SLC9A9: variants seen among roughly 807,000 people sequenced by gnomAD.
The protein encoded by SLC9A9 is sodium/hydrogen exchanger 9.
A neutral mutation model predicts 77.8 loss-of-function variants in SLC9A9; 62 were observed. The ratio of observed to expected loss-of-function variants is 0.80; its 90% CI spans 0.65 to 0.98. The LOEUF (loss-of-function observed/expected upper bound fraction) is 0.98. Among genes scored for constraint, SLC9A9 ranks in the 50% least tolerant of loss-of-function variants. The pLI, the probability that SLC9A9 is intolerant of heterozygous loss-of-function variation, is 0.00. For missense variants in SLC9A9, 775 were observed against 774.9 expected (o/e 1.00, Z 0.00); for synonymous variants, 320 against 283.5 (o/e 1.13, Z -1.29).
At chr3:143,801,357 A>C (rs780896094) in intron 2 of SLC9A9, among the ~76,000 whole-genome samples, 20 of 152,154 alleles carry the variant, frequency 1.3e-4, no homozygotes, top group Non-Finnish European at 2.8e-4. Flanking sequence ...TTAAAATCAC[A>C]CACTATGCTC....
At chr3:143,466,462 A>T (rs1481831477) in intron 12 of SLC9A9, among the ~76,000 whole-genome samples, 1 of 152,226 alleles carries the variant, frequency 6.6e-6, no homozygotes, top group Non-Finnish European at 1.5e-5. Flanking sequence ...ATCATCTTCC[A>T]GAACTGCTTA....
intron 12 of SLC9A9, among the ~76,000 whole-genome samples, chr3:143,450,493 C>T (rs9289662): frequency 3.8e-4 from 58 of 151,810 alleles, no homozygotes; most frequent in Non-Finnish European, 7.4e-4. Context: ...TGTGAAAGGA[C>T]TTCAGGTGAA....
chr3:143,514,095 G>C (rs963821127), intron 9 of SLC9A9, among the ~76,000 whole-genome samples: 1 of 152,024 alleles, frequency 6.6e-6, no homozygotes, highest in African/African-American at 2.4e-5. Context: ...AACATGCGGC[G>C]TTTGGTTTTT....
At chr3:143,351,337 C>T (rs1576442518) in intron 14 of SLC9A9, among the ~76,000 whole-genome samples, 1 of 152,086 alleles carries the variant, frequency 6.6e-6, no homozygotes, top group Admixed American at 6.5e-5. Flanking sequence ...TTATTATGTC[C>T]CTTCTAAATG....
At chr3:143,774,833 G>A (rs955679240) in intron 4 of SLC9A9, among the ~76,000 whole-genome samples, 12 of 152,118 alleles carry the variant, frequency 7.9e-5, no homozygotes, top group Non-Finnish European at 1.2e-4. Flanking sequence ...AAATGACCCA[G>A]TGCGCTCCCC....
intron 1 of SLC9A9, among the ~76,000 whole-genome samples, chr3:143,842,953 A>G (rs1182020997): frequency 1.3e-5 from 2 of 152,212 alleles, no homozygotes; most frequent in East Asian, 3.8e-4. Context: ...GCTGGAAGGG[A>G]GACATGTGAT....
intron 12 of SLC9A9, among the ~76,000 whole-genome samples, chr3:143,396,204 G>A (rs111729600): frequency 6.6e-5 from 10 of 152,272 alleles, no homozygotes; most frequent in African/African-American, 2.2e-4. Flanking sequence ...CAACCCAAAT[G>A]TTCAATAATG....
chr3:143,431,485 CTT>C (rs35264017), intron 12 of SLC9A9, among the ~76,000 whole-genome samples: 26 of 130,028 alleles, frequency 2.0e-4, no homozygotes, highest in Admixed American at 2.3e-4. Flanking sequence ...CTGCCCCCAC[CTT>C]TTTTTTTTTT....
chr3:143,805,716 C>T (rs1184492877), intron 2 of SLC9A9, among the ~76,000 whole-genome samples: 1 of 152,108 alleles, frequency 6.6e-6, no homozygotes, highest in Non-Finnish European at 1.5e-5. Context: ...CCCCACTGAG[C>T]ACCTTGTGTA....
intron 4 of SLC9A9, among the ~76,000 whole-genome samples, chr3:143,709,672 T>C (rs1934088340): frequency 6.6e-6 from 1 of 152,176 alleles, no homozygotes; most frequent in Non-Finnish European, 1.5e-5. Context: ...TTGGCCTCCC[T>C]GCTGATTTGT....
intron 5 of SLC9A9, among the ~76,000 whole-genome samples, chr3:143,677,243 T>C (rs7653163): frequency 0.97 from 147,526 of 152,248 alleles, 71,512 homozygotes; most frequent in East Asian, 1. Flanking sequence ...CACACAGATA[T>C]GCATGGGGGT....
At chr3:143,355,844 G>A (rs367544333) in intron 14 of SLC9A9, among the ~76,000 whole-genome samples, 1 of 152,126 alleles carries the variant, frequency 6.6e-6, no homozygotes, top group Non-Finnish European at 1.5e-5. Flanking sequence ...TATTGAATTT[G>A]ATTTAAAGGA....
rs775638836 is a variant in SLC9A9 at position 143,467,061 on chromosome 3, G to A, written c.1445C>T (p.Pro482Leu). 2 of 1,613,892 alleles carry A rather than the reference G, an allele frequency of 1.2e-6. No individual in the cohort carries two copies. Among genetic ancestry groups the A allele is most frequent in the Non-Finnish European group, 1.7e-6 (2 of 1,179,950 alleles). Reference protein sequence around the residue: ...TVWVFGGGTTPMLTWLQIRVG... With the variant: ...TVWVFGGGTTLMLTWLQIRVG... ...CCTGATCTGAAGCCAAGTCAACATGGGGGTTGTTCCTCCTCCAAATACCCA... is the reference window on the plus strand; with the variant it reads ...CCTGATCTGAAGCCAAGTCAACATGAGGGTTGTTCCTCCTCCAAATACCCA... The change falls in exon 12 of 16, where the codon CCC becomes CTC. Residue 482 changes from proline (P) to leucine (L), a missense_variant. Pro to Leu is a moderately conservative substitution (Grantham distance 98, BLOSUM62 -3). Transcript: ENST00000316549.
intron 5 of SLC9A9, among the ~76,000 whole-genome samples, chr3:143,666,184 G>A (rs2091199): frequency 1.3e-5 from 2 of 152,134 alleles, no homozygotes; most frequent in Admixed American, 6.5e-5. Flanking sequence ...TCCAACATAT[G>A]CAAAGCAATA....
intron 5 of SLC9A9, among the ~76,000 whole-genome samples, chr3:143,661,949 C>A (rs532822044): frequency 6.9e-6 from 1 of 144,064 alleles, no homozygotes; most frequent in African/African-American, 2.7e-5. Flanking sequence ...TCCCTACCCA[C>A]TAACTAGCCT....
At chr3:143,658,722 G>T (rs539210741) in intron 5 of SLC9A9, among the ~76,000 whole-genome samples, 3 of 151,876 alleles carry the variant, frequency 2.0e-5, no homozygotes, top group Non-Finnish European at 4.4e-5. Context: ...GCCTTTTTTT[G>T]ATTAAAAACC....
intron 4 of SLC9A9, among the ~76,000 whole-genome samples, chr3:143,767,966 C>A (rs201928096): frequency 4.9e-4 from 75 of 151,746 alleles, no homozygotes; most frequent in African/African-American, 1.7e-3. Flanking sequence ...CTAATGTTTG[C>A]TTTGCTGTTA....
At position 143,742,515 on chromosome 3, in the gene SLC9A9, C is replaced by T. The variant is rs1428227216; in HGVS notation, c.534-49208G>A. The stretch of plus-strand genomic sequence containing the variant: ...ATATCATATGTATTTCAGTAGAGGG[C>T]CAATTTACAATATATCTGACCAGTA... On this transcript the variant is annotated intron_variant, in intron 4 of 15. Transcript: ENST00000316549. Among the ~76,000 whole-genome samples, 7 of 152,164 alleles carry T rather than the reference C, an allele frequency of 4.6e-5. No homozygotes were observed. The South Asian group carries it at 1.5e-3, about 32-fold the overall frequency.
chr3:143,814,004 C>T (rs960706558), intron 2 of SLC9A9, among the ~76,000 whole-genome samples: 6 of 152,148 alleles, frequency 3.9e-5, no homozygotes, highest in Non-Finnish European at 8.8e-5. Context: ...AAGAAAGAAA[C>T]AAGACCAGGA....
Sources: allele counts gnomAD v4.1 joint callset (sites outside exome capture counted in the v4.1 genomes callset), GRCh38; gene constraint gnomAD v4.1.1; transcripts MANE v1.5; gene names NCBI Gene and HGNC (gene_info 2026-07-23, HGNC 2026-07-21).